ARHGEF10: variants seen among roughly 807,000 people sequenced by gnomAD.
ARHGEF10 encodes the protein Rho guanine nucleotide exchange factor 10.
In ARHGEF10, 140 loss-of-function variants were observed where a neutral mutation model predicts 147.4. That is an observed-to-expected ratio of 0.95 (90% CI 0.83 to 1.09). ARHGEF10 has a LOEUF of 1.09. Among genes scored for constraint, ARHGEF10 ranks in the 50% least tolerant of loss-of-function variants. The probability of loss-of-function intolerance (pLI) is 0.00; values close to 1 mark genes in which losing one functional copy is unlikely to be tolerated. For missense variants in ARHGEF10, 2,222 were observed against 1,752.7 expected (o/e 1.27, Z -4.78); for synonymous variants, 902 against 695.8 (o/e 1.30, Z -4.67).
At chr8:1,836,949 C>T (rs1439581987) in intron 1 of ARHGEF10, among the ~76,000 whole-genome samples, 2 of 152,218 alleles carry the variant, frequency 1.3e-5, no homozygotes, top group African/African-American at 2.4e-5. Flanking sequence ...GTGCCTTTCA[C>T]CTCCCACAAT....
chr8:1,957,570 T>C lies in ARHGEF10; in HGVS notation c.*307T>C. ...ACTGCTGTAGTCCATATGTGAATAC[T>C]AAATGTTAAACTTCATCAGCGTCAG... On this transcript the variant is annotated 3_prime_UTR_variant, in exon 29 of 29. Coordinates refer to ENST00000349830, the MANE Select transcript of ARHGEF10 (RefSeq NM_014629.4). The C allele has an allele frequency of 2.2e-6, 1 of 452,114 alleles. No individual in the cohort carries two copies. The highest frequency in any genetic ancestry group is 4.0e-6 in the Non-Finnish European group (1 of 252,038). The allele number at this position is 452,114 out of a possible 1,614,324, so 28.0% of individuals were successfully genotyped here.
chr8:1,947,055 G>C (rs545470303), intron 27 of ARHGEF10, among the ~76,000 whole-genome samples: 20 of 152,380 alleles, frequency 1.3e-4, no homozygotes, highest in Non-Finnish European at 2.2e-4. Context: ...CAGACGCTCT[G>C]CTGTGGACCT....
At chr8:1,902,200 C>A (rs1038049615) in intron 15 of ARHGEF10, among the ~76,000 whole-genome samples, 1 of 152,094 alleles carries the variant, frequency 6.6e-6, no homozygotes, top group African/African-American at 2.4e-5. Context: ...CTCCCTGTGT[C>A]CATGTGATCT....
chr8:1,936,943 G>A (rs780427691), intron 26 of ARHGEF10, among the ~76,000 whole-genome samples: 13 of 152,142 alleles, frequency 8.5e-5, no homozygotes, highest in Non-Finnish European at 1.8e-4. Flanking sequence ...ACGTGGGTTT[G>A]GTTAGGAATG....
intron 13 of ARHGEF10, among the ~76,000 whole-genome samples, chr8:1,895,799 G>A (rs967204953): frequency 6.6e-6 from 1 of 152,316 alleles, no homozygotes; most frequent in Non-Finnish European, 1.5e-5. Context: ...TTGATAGCAA[G>A]GGCAAATGTT....
chr8:1,863,264 C>A (rs975239240), intron 4 of ARHGEF10, among the ~76,000 whole-genome samples: 2 of 152,206 alleles, frequency 1.3e-5, no homozygotes, highest in South Asian at 2.1e-4. Context: ...GCAGATCCAC[C>A]CCCCCAGCCC....
intron 27 of ARHGEF10, 52 bp downstream of exon 27, chr8:1,945,707 TG>T (rs746340885): frequency 3.1e-6 from 5 of 1,610,364 alleles, no homozygotes; most frequent in Middle Eastern, 1.7e-4. Context: ...GGGACGGACG[TG>T]GGGGGTGCGG....
intron 27 of ARHGEF10, among the ~76,000 whole-genome samples, chr8:1,947,671 CACACCCCACCCCGCATTCA>C (rs1814702383): frequency 6.9e-6 from 1 of 143,902 alleles, no homozygotes; most frequent in South Asian, 2.3e-4. Flanking sequence ...CCCCCATCCT[CACACCCCACCCCGCATTCA>C]GCACCCACCC....
At chr8:1,913,816 G>C (rs565148894) in intron 18 of ARHGEF10, among the ~76,000 whole-genome samples, 3 of 152,350 alleles carry the variant, frequency 2.0e-5, no homozygotes, top group Admixed American at 1.3e-4. Context: ...GCTGGATATG[G>C]CGGTTGGTAC....
rs1815598646 is a variant in ARHGEF10, at chr8:1,956,754, G to C, written c.3526G>C (p.Gly1176Arg). The part of the protein sequence containing the change: ...LQGIPKVTGR[G>R]MVSYHAHNSP... ...TGAACTGTTTCCCTTTTCAGGAAGAGGCATGGTCTCCTACCATGCACACAA... is the reference window on the plus strand; with the variant it reads ...TGAACTGTTTCCCTTTTCAGGAAGACGCATGGTCTCCTACCATGCACACAA... Residue 1176 changes from glycine to arginine, a missense_variant, in exon 29 of 29, where the codon GGC (glycine) becomes CGC (arginine). Gly to Arg is a moderately radical substitution (Grantham distance 125, BLOSUM62 -2). Transcript: ENST00000349830. The C allele has an allele frequency of 6.2e-7, 1 of 1,613,680 alleles. No individual in the cohort carries two copies. Among genetic ancestry groups the C allele is most frequent in the Non-Finnish European group, 8.5e-7 (1 of 1,179,946 alleles).
chr8:1,869,093 T>C (rs1163894604), intron 6 of ARHGEF10, 101 bp from the exon 7 acceptor site: 1 of 1,134,708 alleles, frequency 8.8e-7, no homozygotes, highest in East Asian at 2.4e-5. Flanking sequence ...ACCAACTTTT[T>C]GAATAATCAT....
chr8:1,863,781 C>T lies in ARHGEF10; in HGVS notation c.482-592C>T, dbSNP rs145627098. Among the ~76,000 whole-genome samples, 381 of 152,220 alleles carry T rather than the reference C, an allele frequency of 2.5e-3. 4 individuals are homozygous for T. The highest frequency in any genetic ancestry group is 8.9e-3 in the African/African-American group (368 of 41,520). ...CACTGCGGCTTTGCTCACGGCTCAC[C>T]GTTCACCCTGGAGAGCCACAGACAG... On this transcript the variant is annotated intron_variant, in intron 4 of 28. Coordinates refer to ENST00000349830, the MANE Select transcript of ARHGEF10 (RefSeq NM_014629.4).
intron 26 of ARHGEF10, among the ~76,000 whole-genome samples, chr8:1,936,850 A>G (rs750702944): frequency 3.9e-4 from 60 of 152,272 alleles, no homozygotes; most frequent in East Asian, 9.7e-4. Context: ...TGCCACGTGG[A>G]CACCGCTTTG....
intron 17 of ARHGEF10, among the ~76,000 whole-genome samples, chr8:1,907,059 G>A (rs370396598): frequency 2.0e-5 from 3 of 152,218 alleles, no homozygotes; most frequent in Non-Finnish European, 2.9e-5. Context: ...TGCACCCTGC[G>A]TTGGAGAGGA....
intron 18 of ARHGEF10, among the ~76,000 whole-genome samples, chr8:1,916,510 A>G (rs1487754147): frequency 6.6e-6 from 1 of 152,088 alleles, no homozygotes; most frequent in Non-Finnish European, 1.5e-5. Flanking sequence ...GAGAATTCTT[A>G]TTGTTCTTCT....
At chr8:1,839,982 C>T (rs1190319096) in intron 1 of ARHGEF10, among the ~76,000 whole-genome samples, 4 of 149,428 alleles carry the variant, frequency 2.7e-5, no homozygotes, top group Non-Finnish European at 3.0e-5. Flanking sequence ...TGGAAGCTGT[C>T]TGGTGTGGGG....
intron 8 of ARHGEF10, 118 bp from the exon 9 acceptor site, chr8:1,879,930 A>C (rs1258672818): frequency 1.1e-5 from 9 of 798,662 alleles, no homozygotes; most frequent in Admixed American, 3.4e-5. Flanking sequence ...AGAAGCCCCC[A>C]GCCAGGACAG....
At chr8:1,855,595 G>T (rs955714381) in intron 2 of ARHGEF10, among the ~76,000 whole-genome samples, 4 of 149,702 alleles carry the variant, frequency 2.7e-5, no homozygotes, top group Non-Finnish European at 4.4e-5. Context: ...TCACTATGTT[G>T]TCCAGGCTGG....
At chr8:1,829,029 A>G (rs1225155719) in intron 1 of ARHGEF10, among the ~76,000 whole-genome samples, 1 of 152,244 alleles carries the variant, frequency 6.6e-6, no homozygotes, top group African/African-American at 2.4e-5. Flanking sequence ...GCGGACACGG[A>G]CGGGGAGTCC....
Sources: gnomAD v4.1 joint callset for allele counts (sites outside exome capture counted in the v4.1 genomes callset) on GRCh38, gnomAD v4.1.1 for gene constraint, MANE v1.5 for transcripts, NCBI Gene and HGNC (gene_info 2026-07-23, HGNC 2026-07-21) for gene names.